The following TMEM71 variants were observed in gnomAD, a reference collection of about 807,000 sequenced individuals.
TMEM71 encodes transmembrane protein 71.
In TMEM71, 44 loss-of-function variants were observed where a neutral mutation model predicts 38.0. That is an observed-to-expected ratio of 1.16 (90% confidence interval 0.91 to 1.49). The LOEUF (loss-of-function observed/expected upper bound fraction) is 1.49. TMEM71 is among the 40% of genes most tolerant of loss of function. The pLI, the probability that TMEM71 is intolerant of heterozygous loss-of-function variation, is 0.00. For missense variants in TMEM71, 367 were observed against 348.6 expected, an observed-to-expected ratio of 1.05 and a Z score of -0.42; for synonymous variants, 133 against 122.5, an observed-to-expected ratio of 1.09 and a Z score of -0.56.
At chr8:132,713,234 C>A (rs1477588156) in intron 9 of TMEM71, among the ~76,000 whole-genome samples, 2 of 134,196 alleles carry the variant, frequency 1.5e-5, no homozygotes, top group Admixed American at 1.4e-4. Context: ...TAAAACTTAG[C>A]TGTATGTGCA....
intron 5 of TMEM71, 117 bp downstream of exon 5, chr8:132,746,825 C>T (rs1828413727): frequency 2.7e-6 from 2 of 752,092 alleles, no homozygotes; most frequent in Non-Finnish European, 4.0e-6. Flanking sequence ...AAAATGTGGC[C>T]CATCTCTCCA....
In TMEM71 at chr8:132,716,660, G is replaced by A. The variant is rs141411150; in HGVS notation, c.753-2445C>T. Among the ~76,000 whole-genome samples, 10 of 152,206 alleles carry A rather than the reference G, an allele frequency of 6.6e-5. No individual in the cohort carries two copies. In the East Asian group the frequency reaches 1.5e-3, roughly 23 times the overall value. ...AGGGGCTTTAGTATTCAAGGATTTT[G>A]GTATCTGAGGGAAGCTCTAGAATCA... is the stretch of plus-strand genomic sequence containing the variant. On this transcript the variant is annotated intron_variant, in intron 7 of 9. Coordinates refer to ENST00000677595, the MANE Select transcript of TMEM71 (RefSeq NM_001382403.1).
intron 4 of TMEM71, among the ~76,000 whole-genome samples, chr8:132,750,324 A>G (rs1563755297): frequency 6.6e-6 from 1 of 152,196 alleles, no homozygotes; most frequent in Non-Finnish European, 1.5e-5. Flanking sequence ...CAACAAGGGT[A>G]GAGTGCATTT....
At chr8:132,764,614 C>T (rs1462120714), upstream of TMEM71, among the ~76,000 whole-genome samples, 1 of 152,178 alleles carries the variant, frequency 6.6e-6, no homozygotes. Context: ...CTTTCAGCTT[C>T]TCTAGCTTTG....
At chr8:132,721,424 G>C (rs1280726338) in intron 7 of TMEM71, among the ~76,000 whole-genome samples, 1 of 152,140 alleles carries the variant, frequency 6.6e-6, no homozygotes, top group Non-Finnish European at 1.5e-5. Context: ...GCTATACTTA[G>C]AGTATATCTG....
In TMEM71 at chr8:132,721,277, G is replaced by T. The variant is rs574150921; in HGVS notation, c.752+763C>A. Among the ~76,000 whole-genome samples the T allele has an allele frequency of 2.0e-5, 3 of 152,166 alleles. 1 individual carries two copies. Among genetic ancestry groups the T allele is most frequent in the Non-Finnish European group, 4.4e-5 (3 of 68,026 alleles). ...GCAGAGGAAGAACATACAGGTCAGA[G>T]GGTAGAGAACAAACATACCTATAAG... On this transcript the variant is annotated intron_variant, in intron 7 of 9. Transcript: ENST00000677595.
chr8:132,762,578 G>C (rs1052004817), upstream of TMEM71, among the ~76,000 whole-genome samples: 3 of 152,002 alleles, frequency 2.0e-5, no homozygotes, highest in Non-Finnish European at 2.9e-5. Flanking sequence ...ACCAGGCACT[G>C]TTCTAAGGTC....
chr8:132,773,483 T>A, the TMEM71 span, among the ~76,000 whole-genome samples: 2 of 152,242 alleles, frequency 1.3e-5, no homozygotes, highest in Non-Finnish European at 2.9e-5. Flanking sequence ...TCTGTTGTTC[T>A]TTATGTATGT....
At chr8:132,775,906 C>G in the TMEM71 span, among the ~76,000 whole-genome samples, 3 of 152,146 alleles carry the variant, frequency 2.0e-5, no homozygotes, top group Non-Finnish European at 2.9e-5. Flanking sequence ...CTGTCTCGTG[C>G]CACCCCCTCT....
intron 4 of TMEM71, among the ~76,000 whole-genome samples, chr8:132,748,431 C>A (rs1434568225): frequency 6.6e-6 from 1 of 152,190 alleles, no homozygotes; most frequent in African/African-American, 2.4e-5. Flanking sequence ...ATGCACAGGG[C>A]AGTTGCCCAC....
the TMEM71 span, among the ~76,000 whole-genome samples, chr8:132,775,915 CTCTG>C: frequency 3.3e-5 from 5 of 152,346 alleles, no homozygotes; most frequent in African/African-American, 7.2e-5. Context: ...GCCACCCCCT[CTCTG>C]TCTGGCCTCA....
chr8:132,771,999 GACAGAGGCTATC>G, the TMEM71 span, among the ~76,000 whole-genome samples: 2 of 152,150 alleles, frequency 1.3e-5, no homozygotes, highest in African/African-American at 4.8e-5. Flanking sequence ...GAAGAGATTT[GACAGAGGCTATC>G]ACAGTAGTTT....
At chr8:132,755,227 C>T (rs909456393) in intron 3 of TMEM71, among the ~76,000 whole-genome samples, 2 of 152,132 alleles carry the variant, frequency 1.3e-5, no homozygotes, top group African/African-American at 4.8e-5. Context: ...CTTTATAATG[C>T]CCCTACCTTT....
the TMEM71 span, chr8:132,775,357 G>A: frequency 2.8e-6 from 1 of 357,648 alleles, no homozygotes. Flanking sequence ...CGTCGCGGGC[G>A]GCTGACGTCG....
chr8:132,740,597 CAG>C (rs1827982067), intron 5 of TMEM71, among the ~76,000 whole-genome samples: 1 of 152,160 alleles, frequency 6.6e-6, no homozygotes, highest in African/African-American at 2.4e-5. Flanking sequence ...TGAATTACAG[CAG>C]AGTGAGTGAC....
intron 9 of TMEM71, among the ~76,000 whole-genome samples, chr8:132,712,638 G>T (rs1037307097): frequency 6.6e-6 from 1 of 151,962 alleles, no homozygotes; most frequent in African/African-American, 2.4e-5. Context: ...CCACATGCTG[G>T]GGCATTCACA....
At chr8:132,722,256 T>C (rs1049214605) in intron 6 of TMEM71, 141 bp from the exon 7 acceptor site, 11 of 647,492 alleles carry the variant, frequency 1.7e-5, no homozygotes, top group African/African-American at 3.7e-5. Context: ...AAGCAATGTG[T>C]CATAAATAAC....
At chr8:132,763,423 T>C (rs2131226745), upstream of TMEM71, among the ~76,000 whole-genome samples, 1 of 152,348 alleles carries the variant, frequency 6.6e-6, no homozygotes, top group African/African-American at 2.4e-5. Context: ...TAGACTTGCC[T>C]TCAGAACCTT....
intron 3 of TMEM71, among the ~76,000 whole-genome samples, chr8:132,753,172 G>A (rs1828818671): frequency 6.6e-6 from 1 of 151,922 alleles, no homozygotes; most frequent in African/African-American, 2.4e-5. Context: ...TTACTGGAGG[G>A]CAGATACTGT....
Sources: gnomAD v4.1 joint callset for allele counts (sites outside exome capture counted in the v4.1 genomes callset) on GRCh38, gnomAD v4.1.1 for gene constraint, MANE v1.5 for transcripts, NCBI Gene and HGNC (gene_info 2026-07-23, HGNC 2026-07-21) for gene names.